CEP192: variants seen among roughly 807,000 people sequenced by gnomAD.
CEP192 encodes centrosomal protein of 192 kDa.
A neutral mutation model predicts 271.8 loss-of-function variants in CEP192; 151 were observed. The ratio of observed to expected loss-of-function variants is 0.56; its 90% CI spans 0.49 to 0.64. The LOEUF (loss-of-function observed/expected upper bound fraction) is 0.64. Among genes scored for constraint, CEP192 ranks in the 30% least tolerant of loss-of-function variants. The probability of loss-of-function intolerance (pLI) is 0.00; values close to 1 mark genes in which losing one functional copy is unlikely to be tolerated. For missense variants in CEP192, 2,910 were observed against 3,020.5 expected (o/e 0.96, Z 0.86); for synonymous variants, 995 against 1,076.5 (o/e 0.92, Z 1.48).
intron 15 of CEP192, 144 bp downstream of exon 15, chr18:13,042,478 A>G: frequency 1.2e-6 from 1 of 835,826 alleles, no homozygotes. Context: ...TGTCCTTTAA[A>G]TTTTTCTTTT....
At chr18:13,112,945 T>C (rs549306566) in intron 40 of CEP192, among the ~76,000 whole-genome samples, 1 of 152,398 alleles carries the variant, frequency 6.6e-6, no homozygotes, top group East Asian at 1.9e-4. Context: ...GCTCTTAATA[T>C]TGGTAATTGT....
intron 15 of CEP192, among the ~76,000 whole-genome samples, chr18:13,046,074 C>A (rs2036460493): frequency 6.6e-6 from 1 of 152,078 alleles, no homozygotes; most frequent in Non-Finnish European, 1.5e-5. Flanking sequence ...TTAACGGGCC[C>A]ATAGTTCTGC....
Position 13,056,385 on chromosome 18 carries a change from T to G in CEP192, c.3795T>G (p.Tyr1265Ter). ...GCGCTGCTCCTTTTGCTCAGCGGTA[T>G]TTGGGAACACTCCCTTCAACTGGAA... ...SLSAAPFAQR[Y>*]LGTLPSTGST... The change falls in exon 19 of 45, where the codon TAT (tyrosine) becomes TAG (stop). Residue 1265 changes from tyrosine to a stop codon, truncating the protein, a stop_gained. Transcript: ENST00000506447. LOFTEE classifies it high-confidence loss of function. 1 of 1,614,242 alleles carries G rather than the reference T, an allele frequency of 6.2e-7. No individual in the cohort carries two copies. Among genetic ancestry groups the G allele is most frequent in the Non-Finnish European group, 8.5e-7 (1 of 1,180,040 alleles).
At position 13,055,870 on chromosome 18, in the gene CEP192, G is replaced by GTTCCAT; in HGVS notation, c.3284_3289dup (p.Pro1095_Phe1096dup). On this transcript the variant is annotated inframe_insertion, in exon 19 of 45. Transcript: ENST00000506447. Reference sequence around the variant, plus strand: ...GGCTATGGAAAAATTGAGAGAAAAAGTTCCATTTCAGAATAGAGGAAAAGG... The same window carrying GTTCCAT: ...GGCTATGGAAAAATTGAGAGAAAAAGTTCCATTTCCATTTCAGAATAGAGGAAAAGG... 6.2e-7 allele frequency: 1 copy of GTTCCAT among 1,613,644 alleles called. No individual in the cohort carries two copies. Among genetic ancestry groups the GTTCCAT allele is most frequent in the Non-Finnish European group, 8.5e-7 (1 of 1,179,876 alleles).
intron 3 of CEP192, among the ~76,000 whole-genome samples, chr18:13,006,385 G>A (rs1462078906): frequency 1.3e-5 from 2 of 151,988 alleles, no homozygotes; most frequent in African/African-American, 2.4e-5. Context: ...AACGTGGATG[G>A]AAAATACAGT....
At chr18:13,033,484 C>T (rs1283653699) in intron 11 of CEP192, among the ~76,000 whole-genome samples, 2 of 152,146 alleles carry the variant, frequency 1.3e-5, no homozygotes, top group Admixed American at 1.3e-4. Flanking sequence ...CTTGGCACCG[C>T]GTCTACCTAT....
At chr18:13,031,464 G>T (rs2035624736) in intron 11 of CEP192, among the ~76,000 whole-genome samples, 1 of 151,924 alleles carries the variant, frequency 6.6e-6, no homozygotes. Flanking sequence ...AGCCGGGATG[G>T]TCTCGATCTC....
intron 17 of CEP192, among the ~76,000 whole-genome samples, chr18:13,052,499 T>C: frequency 6.6e-6 from 1 of 152,228 alleles, no homozygotes; most frequent in East Asian, 1.9e-4. Context: ...GCTTAATTGC[T>C]CAACCAAAAG....
chr18:13,113,258 C>T (rs777778662), intron 40 of CEP192, among the ~76,000 whole-genome samples: 6 of 152,188 alleles, frequency 3.9e-5, no homozygotes, highest in Admixed American at 1.3e-4. Flanking sequence ...AAGACAATTG[C>T]GGGTCTGTGG....
intron 2 of CEP192, among the ~76,000 whole-genome samples, chr18:13,000,856 G>A (rs1029965844): frequency 6.6e-6 from 1 of 152,218 alleles, no homozygotes; most frequent in African/African-American, 2.4e-5. Flanking sequence ...GGGAGGCTGA[G>A]ACAGGAGAAT....
At chr18:13,023,377 A>G (rs887571498) in intron 9 of CEP192, among the ~76,000 whole-genome samples, 9 of 151,796 alleles carry the variant, frequency 5.9e-5, no homozygotes, top group African/African-American at 2.2e-4. Flanking sequence ...GATGCTAGCT[A>G]TAGGTTTTTT....
At chr18:13,119,665 C>T (rs2040578482) in intron 44 of CEP192, among the ~76,000 whole-genome samples, 1 of 152,150 alleles carries the variant, frequency 6.6e-6, no homozygotes, top group African/African-American at 2.4e-5. Flanking sequence ...TCCCTTGAAC[C>T]TGGGAGGCAG....
At chr18:13,053,622 G>C (rs2036923365) in intron 18 of CEP192, among the ~76,000 whole-genome samples, 2 of 152,200 alleles carry the variant, frequency 1.3e-5, no homozygotes, top group South Asian at 4.1e-4. Flanking sequence ...CGGGAAGGGT[G>C]CTGGGTTTAA....
rs1328978661 is a variant in CEP192 at position 13,021,415 on chromosome 18, C to A, written c.1050+2209C>A. 2.0e-5 allele frequency among the ~76,000 whole-genome samples: 3 copies of A among 152,126 alleles called. No homozygotes were observed. The East Asian group carries it at 5.8e-4, about 29-fold the overall frequency. On this transcript the variant is annotated intron_variant, in intron 9 of 44. Transcript: ENST00000506447. ...TGGTCTTGGCACTTTTGTCAGAAATCAATTTATCATGTATGTGAGGGTTTA... is the reference window on the plus strand; with the variant it reads ...TGGTCTTGGCACTTTTGTCAGAAATAAATTTATCATGTATGTGAGGGTTTA...
chr18:13,040,979 T>G lies in CEP192; in HGVS notation c.1936+23T>G, dbSNP rs560223852. On this transcript the variant is annotated intron_variant, in intron 14 of 44. Coordinates refer to ENST00000506447, the MANE Select transcript of CEP192 (RefSeq NM_032142.4). ...CAGGTAATGGATTCAATGAAGGGGC[T>G]TTTAGGAATCTTTTTTTTCTTAAAT... 6.3e-6 allele frequency: 10 copies of G among 1,584,166 alleles called. No individual in the cohort carries two copies. The East Asian group carries it at 1.8e-4, about 28-fold the overall frequency.
At chr18:13,098,463 C>T (rs567271248) in intron 36 of CEP192, among the ~76,000 whole-genome samples, 36 of 146,072 alleles carry the variant, frequency 2.5e-4, no homozygotes, top group African/African-American at 8.2e-4. Flanking sequence ...ACTTCTCAGA[C>T]GGGGCGGCTG....
intron 11 of CEP192, among the ~76,000 whole-genome samples, chr18:13,032,916 G>C (rs1402140314): frequency 6.6e-6 from 1 of 151,986 alleles, no homozygotes; most frequent in Non-Finnish European, 1.5e-5. Flanking sequence ...ACGTAAAGCT[G>C]ACTAAGAACA....
intron 29 of CEP192, 79 bp from the exon 30 acceptor site, chr18:13,072,930 T>G: frequency 6.5e-7 from 1 of 1,546,538 alleles, no homozygotes; most frequent in Non-Finnish European, 8.9e-7. Flanking sequence ...GTTATTTAGC[T>G]TTTAAGAATC....
chr18:12,995,053 ATTTTTTTTTTTTT>A (rs139962686), intron 1 of CEP192, among the ~76,000 whole-genome samples: 1 of 88,244 alleles, frequency 1.1e-5, no homozygotes, highest in African/African-American at 5.6e-5. Context: ...CATGGGAGGA[ATTTTTTTTTTTTT>A]TTTTTTTTTT....
Sources: allele counts gnomAD v4.1 joint callset (sites outside exome capture counted in the v4.1 genomes callset), GRCh38; gene constraint gnomAD v4.1.1; transcripts MANE v1.5; gene names NCBI Gene and HGNC (gene_info 2026-07-23, HGNC 2026-07-21).